NALF1: variants seen among roughly 807,000 people sequenced by gnomAD.
NALF1 encodes family with sequence similarity 155 member A.
In NALF1, 3 loss-of-function variants were observed where a neutral mutation model predicts 48.4. The ratio of observed to expected loss-of-function variants is 0.06; its 90% CI spans 0.03 to 0.16. The LOEUF (loss-of-function observed/expected upper bound fraction) is 0.16. Among genes scored for constraint, NALF1 ranks in the 10% least tolerant of loss-of-function variants. The pLI, the probability that NALF1 is intolerant of heterozygous loss-of-function variation, is 1.00. For missense variants in NALF1, 526 were observed against 571.5 expected (o/e 0.92, Z 0.81); for synonymous variants, 262 against 245.7 (o/e 1.07, Z -0.62).
At chr13:107,460,051 A>G (rs889054461) in intron 1 of NALF1, among the ~76,000 whole-genome samples, 1 of 152,184 alleles carries the variant, frequency 6.6e-6, no homozygotes, top group African/African-American at 2.4e-5. Flanking sequence ...CCTTCTTGCC[A>G]TATTTCTGAC....
Position 107,362,249 on chromosome 13 carries a change from G to A in NALF1, c.916-151494C>T, listed in dbSNP as rs745506054. Among the ~76,000 whole-genome samples, 2 of 152,150 alleles carry A rather than the reference G, an allele frequency of 1.3e-5. No homozygotes were observed. The highest frequency in any genetic ancestry group is 2.4e-5 in the African/African-American group (1 of 41,430). On this transcript the variant is annotated intron_variant, in intron 1 of 2. Coordinates refer to ENST00000375915, the MANE Select transcript of NALF1 (RefSeq NM_001080396.3). This position sits in a 1 kb window ranked among gnomAD's most constrained non-coding sequence, Gnocchi z 4.6. ...AGCTTTATGATATTCATGTAAACAG[G>A]AAGGAATAGTTGTATTCATTTTCTA...
chr13:107,678,614 A>G (rs6492068), intron 1 of NALF1, among the ~76,000 whole-genome samples: 2,973 of 152,334 alleles, frequency 0.02, 58 homozygotes, highest in Middle Eastern at 0.054. Flanking sequence ...AGACTGGGTA[A>G]TTCATAAAGG....
At chr13:107,539,988 A>T (rs1285780130) in intron 1 of NALF1, among the ~76,000 whole-genome samples, 2 of 152,042 alleles carry the variant, frequency 1.3e-5, no homozygotes, top group Non-Finnish European at 2.9e-5. Context: ...ATAATTTCTT[A>T]AAATATCATT....
chr13:107,398,576 T>G (rs1883752530), intron 1 of NALF1, among the ~76,000 whole-genome samples: 1 of 152,140 alleles, frequency 6.6e-6, no homozygotes, highest in Admixed American at 6.6e-5. Context: ...GGTTGGAAAT[T>G]GATTTTTTTC....
intron 1 of NALF1, among the ~76,000 whole-genome samples, chr13:107,301,531 T>C (rs1594110866): frequency 6.6e-6 from 1 of 152,186 alleles, no homozygotes; most frequent in African/African-American, 2.4e-5. Flanking sequence ...GAGATTACTA[T>C]GTAAACTTGA....
rs192343032 is a variant in NALF1, at chr13:107,634,291, G to A, written c.915+231391C>T. Among the ~76,000 whole-genome samples the A allele has an allele frequency of 2.4e-4, 37 of 152,102 alleles. No individual in the cohort carries two copies. In the Middle Eastern group the frequency reaches 0.014, roughly 56 times the overall value. Reference sequence around the variant, plus strand: ...TATTCCATCTAGAAAAGGTTCAGGGGTGATGAGAAATTACTTAATGGGTAC... The same window carrying A: ...TATTCCATCTAGAAAAGGTTCAGGGATGATGAGAAATTACTTAATGGGTAC... On this transcript the variant is annotated intron_variant, in intron 1 of 2. Transcript: ENST00000375915.
intron 1 of NALF1, among the ~76,000 whole-genome samples, chr13:107,805,153 C>T (rs908040801): frequency 6.6e-6 from 1 of 152,084 alleles, no homozygotes; most frequent in African/African-American, 2.4e-5. Flanking sequence ...GTGTAATTAT[C>T]CTAGGTTTAT....
At chr13:107,508,943 CTG>C (rs1875791468) in intron 1 of NALF1, among the ~76,000 whole-genome samples, 1 of 152,066 alleles carries the variant, frequency 6.6e-6, no homozygotes, top group Non-Finnish European at 1.5e-5. Context: ...TTAGAGAACA[CTG>C]TGATTATTCA....
intron 1 of NALF1, among the ~76,000 whole-genome samples, chr13:107,476,758 T>A (rs552827167): frequency 1.3e-5 from 2 of 152,198 alleles, no homozygotes; most frequent in South Asian, 4.2e-4. Context: ...GAATCCTTAA[T>A]GGACTCACCT....
At chr13:107,713,777 T>C (rs1285761496) in intron 1 of NALF1, among the ~76,000 whole-genome samples, 1 of 152,218 alleles carries the variant, frequency 6.6e-6, no homozygotes, top group Non-Finnish European at 1.5e-5. Context: ...TGTATCTGTT[T>C]TATTTCAAAA....
chr13:107,322,810 A>T (rs1214063112), intron 1 of NALF1, among the ~76,000 whole-genome samples: 1 of 152,114 alleles, frequency 6.6e-6, no homozygotes, highest in Non-Finnish European at 1.5e-5. Flanking sequence ...TTTACCATTC[A>T]TAAATTACCT....
chr13:107,266,652 G>A (rs1443582498), intron 1 of NALF1, among the ~76,000 whole-genome samples: 1 of 152,130 alleles, frequency 6.6e-6, no homozygotes, highest in Non-Finnish European at 1.5e-5. Flanking sequence ...GAATACAGAA[G>A]TACAGTGTTA....
intron 1 of NALF1, among the ~76,000 whole-genome samples, chr13:107,517,858 C>T (rs139004232): frequency 2.2e-4 from 33 of 151,642 alleles, no homozygotes; most frequent in African/African-American, 6.8e-4. Context: ...AGGGCTGAGG[C>T]GGAGAATCTC....
At chr13:107,393,541 G>A (rs1330507615) in intron 1 of NALF1, among the ~76,000 whole-genome samples, 2 of 152,130 alleles carry the variant, frequency 1.3e-5, no homozygotes, top group Non-Finnish European at 2.9e-5. Flanking sequence ...CATGGGGAAG[G>A]AGATGTTATT....
At chr13:107,589,762 A>G (rs1412064816) in intron 1 of NALF1, among the ~76,000 whole-genome samples, 1 of 152,044 alleles carries the variant, frequency 6.6e-6, no homozygotes, top group Non-Finnish European at 1.5e-5. Context: ...TAAGTTATCT[A>G]GTAAACTTGT....
chr13:107,485,770 T>C (rs1885319346), intron 1 of NALF1, among the ~76,000 whole-genome samples: 1 of 152,170 alleles, frequency 6.6e-6, no homozygotes, highest in South Asian at 2.1e-4. Context: ...CTACCTAAAA[T>C]TTAACCAAAA....
At chr13:107,856,691 A>T (rs1162960222) in intron 1 of NALF1, among the ~76,000 whole-genome samples, 1 of 152,136 alleles carries the variant, frequency 6.6e-6, no homozygotes, top group Non-Finnish European at 1.5e-5. Flanking sequence ...ATGGAATTTT[A>T]TTGGCACTAA....
chr13:107,810,407 C>A (rs907872230), intron 1 of NALF1, among the ~76,000 whole-genome samples: 3 of 152,088 alleles, frequency 2.0e-5, no homozygotes, highest in African/African-American at 7.2e-5. Flanking sequence ...GATTCGGGCA[C>A]CATTCCTCTT....
At chr13:107,430,779 T>C (rs1027981749) in intron 1 of NALF1, among the ~76,000 whole-genome samples, 17 of 152,316 alleles carry the variant, frequency 1.1e-4, no homozygotes, top group African/African-American at 3.1e-4. Context: ...TGTGTCTTTA[T>C]AGCAGCATGA....
Sources: allele counts gnomAD v4.1 joint callset (sites outside exome capture counted in the v4.1 genomes callset), GRCh38; gene constraint gnomAD v4.1.1; non-coding constraint Gnocchi (gnomAD v3.1); transcripts MANE v1.5; gene names NCBI Gene and HGNC (gene_info 2026-07-23, HGNC 2026-07-21).